Variants in RPRD2 observed in about 807,000 individuals in gnomAD.
RPRD2 encodes the protein regulation of nuclear pre-mRNA domain-containing protein 2.
RPRD2 carries 12 observed loss-of-function variants against 104.4 expected under a neutral mutation model. That is an observed-to-expected ratio of 0.11 (90% confidence interval 0.07 to 0.19). The LOEUF (loss-of-function observed/expected upper bound fraction) is 0.19, where lower values mean the gene tolerates loss of function less well. RPRD2 is among the 10% of genes least tolerant of loss of function. RPRD2 has a pLI of 1.00. For synonymous variants in RPRD2, 714 were observed against 684.9 expected (o/e 1.04, Z -0.66); for missense variants, 1,543 against 1,790.1 (o/e 0.86, Z 2.49).
chr1:150,402,873 C>T (rs1553885728), intron 1 of RPRD2, among the ~76,000 whole-genome samples: 1 of 151,940 alleles, frequency 6.6e-6, no homozygotes, highest in African/African-American at 2.4e-5. Flanking sequence ...GAGGCTGAGG[C>T]AGGAGAATTG....
At chr1:150,367,017 T>C (rs2102065646) in intron 1 of RPRD2, among the ~76,000 whole-genome samples, 1 of 152,342 alleles carries the variant, frequency 6.6e-6, no homozygotes, top group South Asian at 2.1e-4. Flanking sequence ...CTATTGTGCC[T>C]GAGCTTATTT....
chr1:150,387,567 C>CTTT lies in RPRD2; in HGVS notation c.205+22687_205+22689dup, dbSNP rs562476167. Among the ~76,000 whole-genome samples, 335 of 73,706 alleles carry CTTT rather than the reference C, an allele frequency of 4.5e-3. 53 individuals carry two copies. The highest frequency in any genetic ancestry group is 9.3e-3 in the East Asian group (18 of 1,944). The allele number at this position is 73,706 out of a possible 152,430, so 48.4% of individuals were successfully genotyped here. A position where few individuals can be genotyped will look rare whatever the true frequency, so the allele number is the denominator to read the frequency against. ...AAATCTTACAGAAGTTGCAACAGAC[C>CTTT]TTTTTTTTTTTTTTTTTTTTTTTTT... On this transcript the variant is annotated intron_variant, in intron 1 of 10. Coordinates refer to ENST00000369068, the MANE Select transcript of RPRD2 (RefSeq NM_015203.5).
intron 7 of RPRD2, 78 bp from the exon 8 acceptor site, chr1:150,457,210 T>C (rs1280903330): frequency 1.4e-6 from 2 of 1,401,318 alleles, no homozygotes; most frequent in Admixed American, 2.1e-5. Flanking sequence ...GGTGACAAAG[T>C]GAGACTCTGC....
intron 2 of RPRD2, among the ~76,000 whole-genome samples, chr1:150,435,970 T>G (rs1466817464): frequency 9.2e-5 from 14 of 152,222 alleles, no homozygotes; most frequent in African/African-American, 3.4e-4. Context: ...CCACTGTTCA[T>G]ATACAATTCT....
Position 150,413,526 on chromosome 1 carries a change from C to T in RPRD2, c.206-4070C>T, listed in dbSNP as rs1664097550. Among the ~76,000 whole-genome samples, 3 of 151,946 alleles carry T rather than the reference C, an allele frequency of 2.0e-5. No individual in the cohort carries two copies. The South Asian group carries it at 6.2e-4, about 32-fold the overall frequency. On this transcript the variant is annotated intron_variant, in intron 1 of 10. Coordinates refer to ENST00000369068, the MANE Select transcript of RPRD2 (RefSeq NM_015203.5). ...GCTGAGGCAGGAGAATCGCTTGAACCTGGGAGGCAGAGGTTGCGGTAAGCT... is the reference window on the plus strand; with the variant it reads ...GCTGAGGCAGGAGAATCGCTTGAACTTGGGAGGCAGAGGTTGCGGTAAGCT...
At chr1:150,399,367 A>G (rs1329569778) in intron 1 of RPRD2, among the ~76,000 whole-genome samples, 3 of 152,206 alleles carry the variant, frequency 2.0e-5, no homozygotes, top group Admixed American at 6.6e-5. Flanking sequence ...ATATGGCTCA[A>G]TTTTTTAAAA....
chr1:150,406,237 C>T (rs1308383945), intron 1 of RPRD2, among the ~76,000 whole-genome samples: 6 of 152,192 alleles, frequency 3.9e-5, no homozygotes, highest in African/African-American at 1.4e-4. Context: ...TATGTGTTTC[C>T]GTTGACAGCA....
At chr1:150,375,074 C>T (rs1660602833) in intron 1 of RPRD2, among the ~76,000 whole-genome samples, 1 of 149,990 alleles carries the variant, frequency 6.7e-6, no homozygotes. Context: ...TTCCAGGTTT[C>T]TGGCAATGTT....
chr1:150,462,643 G>T (rs1267196635), intron 9 of RPRD2, among the ~76,000 whole-genome samples: 1 of 151,666 alleles, frequency 6.6e-6, no homozygotes, highest in African/African-American at 2.4e-5. Flanking sequence ...TGCAAGCTCC[G>T]CCTCCCAGGT....
chr1:150,446,512 C>A, intron 7 of RPRD2, 111 bp downstream of exon 7: 1 of 948,968 alleles, frequency 1.1e-6, no homozygotes, highest in Non-Finnish European at 1.5e-6. Flanking sequence ...CTCCTTATCG[C>A]AGATGAAATT....
chr1:150,460,378 A>C (rs1225388487), intron 9 of RPRD2, 61 bp downstream of exon 9: 5 of 1,477,104 alleles, frequency 3.4e-6, no homozygotes, highest in African/African-American at 1.4e-5. Context: ...TTGAATCATT[A>C]ATCTGTTTTT....
Position 150,472,602 on chromosome 1 carries a change from C to T in RPRD2, c.3654C>T (p.Val1218=), listed in dbSNP as rs764828135. The change falls in exon 11 of 11, where the codon GTC becomes GTT. Residue 1218 remains valine, a synonymous_variant. Transcript: ENST00000369068. ...EPVGPSSAPP[V]PPKDHGGIFS... Reference sequence around the variant, plus strand: ...TGGGGCCATCATCTGCCCCACCTGTCCCTCCTAAGGATCATGGTGGTATCT... The same window carrying T: ...TGGGGCCATCATCTGCCCCACCTGTTCCTCCTAAGGATCATGGTGGTATCT... 23 of 1,613,910 alleles carry T rather than the reference C, an allele frequency of 1.4e-5. No individual in the cohort carries two copies. The East Asian group carries it at 3.3e-4, about 23-fold the overall frequency.
At chr1:150,462,496 G>A (rs1668005501) in intron 9 of RPRD2, among the ~76,000 whole-genome samples, 2 of 151,364 alleles carry the variant, frequency 1.3e-5, no homozygotes, top group Admixed American at 1.3e-4. Flanking sequence ...AAAATTTTAT[G>A]AATAACCCTT....
intron 10 of RPRD2, among the ~76,000 whole-genome samples, chr1:150,465,401 A>C (rs1038579583): frequency 6.6e-6 from 1 of 152,228 alleles, no homozygotes; most frequent in Non-Finnish European, 1.5e-5. Flanking sequence ...TACAGGCGTG[A>C]GCCACTGCGC....
intron 1 of RPRD2, among the ~76,000 whole-genome samples, chr1:150,370,021 A>T (rs1187784480): frequency 6.6e-6 from 1 of 151,618 alleles, no homozygotes; most frequent in African/African-American, 2.4e-5. Flanking sequence ...ACTTCAAGTG[A>T]TTCGCCCACC....
chr1:150,396,277 G>A lies in RPRD2; in HGVS notation c.206-21319G>A, dbSNP rs961867288. On this transcript the variant is annotated intron_variant, in intron 1 of 10. Transcript: ENST00000369068. ...ATCATTTGTTAGACGTATAGATTGTGAAGATTTTCTCCCACTCTGTGGATT... is the reference window on the plus strand; with the variant it reads ...ATCATTTGTTAGACGTATAGATTGTAAAGATTTTCTCCCACTCTGTGGATT... 3.5e-4 allele frequency among the ~76,000 whole-genome samples: 53 copies of A among 150,816 alleles called. 1 individual carries two copies. Among genetic ancestry groups the A allele is most frequent in the Admixed American group, 2.5e-3 (38 of 15,118 alleles).
chr1:150,391,948 C>T (rs1662105872), intron 1 of RPRD2, among the ~76,000 whole-genome samples: 1 of 151,318 alleles, frequency 6.6e-6, no homozygotes, highest in South Asian at 2.1e-4. Flanking sequence ...TATCTCTGTT[C>T]GGTATTGTAG....
intron 1 of RPRD2, among the ~76,000 whole-genome samples, chr1:150,407,922 G>A (rs76274128): frequency 1.3e-5 from 2 of 151,850 alleles, no homozygotes; most frequent in African/African-American, 4.8e-5. Flanking sequence ...TTTTTTGTGT[G>A]TGTGGAGACA....
At chr1:150,427,228 C>T (rs1023426203) in intron 2 of RPRD2, among the ~76,000 whole-genome samples, 30 of 151,896 alleles carry the variant, frequency 2.0e-4, no homozygotes, top group African/African-American at 7.2e-4. Context: ...ATCCCAGCAC[C>T]TTGGGAGACC....
Sources: gnomAD v4.1 joint callset for allele counts (sites outside exome capture counted in the v4.1 genomes callset) on GRCh38, gnomAD v4.1.1 for gene constraint, MANE v1.5 for transcripts, NCBI Gene and HGNC (gene_info 2026-07-23, HGNC 2026-07-21) for gene names.